TANGO6: variants seen among roughly 807,000 people sequenced by gnomAD.
TANGO6 encodes transport and Golgi organization protein 6 homolog.
In TANGO6, 90 loss-of-function variants were observed where a neutral mutation model predicts 114.2. That is an observed-to-expected ratio of 0.79 (90% CI 0.66 to 0.94). TANGO6 has a LOEUF of 0.94. Ranked by LOEUF, TANGO6 falls within the 40% of genes least tolerant of loss-of-function variation. The probability of loss-of-function intolerance (pLI) is 0.00; values close to 1 mark genes in which losing one functional copy is unlikely to be tolerated. For synonymous variants in TANGO6, 477 were observed against 509.8 expected (o/e 0.94, Z 0.87); for missense variants, 1,274 against 1,315.3 (o/e 0.97, Z 0.49).
intron 14 of TANGO6, among the ~76,000 whole-genome samples, chr16:68,961,060 T>C (rs1174388264): frequency 6.6e-6 from 1 of 152,200 alleles, no homozygotes; most frequent in Non-Finnish European, 1.5e-5. Context: ...TAAACAAAGA[T>C]ATCAACTAGG....
intron 14 of TANGO6, among the ~76,000 whole-genome samples, chr16:68,951,950 A>G (rs1378168524): frequency 1.3e-5 from 2 of 152,144 alleles, no homozygotes; most frequent in Non-Finnish European, 2.9e-5. Context: ...AAACCATGGA[A>G]CCATGGATCA....
chr16:68,862,353 C>A (rs1208900554), intron 2 of TANGO6, among the ~76,000 whole-genome samples: 2 of 152,152 alleles, frequency 1.3e-5, no homozygotes, highest in African/African-American at 2.4e-5. Context: ...CACACCACCA[C>A]GCCTGACTAA....
At chr16:69,011,563 TC>T (rs977606866) in intron 15 of TANGO6, among the ~76,000 whole-genome samples, 1 of 151,924 alleles carries the variant, frequency 6.6e-6, no homozygotes, top group African/African-American at 2.4e-5. Context: ...CAAGTCCTCC[TC>T]CCACCTCAGC....
At chr16:68,945,659 T>C (rs1300459555) in intron 14 of TANGO6, among the ~76,000 whole-genome samples, 1 of 152,270 alleles carries the variant, frequency 6.6e-6, no homozygotes, top group East Asian at 1.9e-4. Context: ...TTGTAAATCT[T>C]CATTAGAGAA....
intron 1 of TANGO6, among the ~76,000 whole-genome samples, chr16:68,858,293 A>G (rs1313342603): frequency 6.6e-6 from 1 of 152,076 alleles, no homozygotes; most frequent in Non-Finnish European, 1.5e-5. Context: ...CCAACTCCTG[A>G]CCTCAAGTGT....
intron 17 of TANGO6, among the ~76,000 whole-genome samples, chr16:69,065,982 G>A (rs1056734913): frequency 2.0e-5 from 3 of 152,050 alleles, no homozygotes; most frequent in African/African-American, 7.2e-5. Flanking sequence ...GAGGCCACTC[G>A]CCTCAAAGAC....
At chr16:68,846,464 T>G (rs1048490944) in intron 1 of TANGO6, 34 of 307,022 alleles carry the variant, frequency 1.1e-4, no homozygotes, top group Non-Finnish European at 2.1e-4. Context: ...TCAATCACCT[T>G]TTCAAATAAT....
chr16:69,009,117 G>C (rs1423243732), intron 15 of TANGO6, among the ~76,000 whole-genome samples: 5 of 103,396 alleles, frequency 4.8e-5, no homozygotes, highest in Non-Finnish European at 8.8e-5. Context: ...GTCTTGCTCT[G>C]TATGCCCAGG....
intron 15 of TANGO6, among the ~76,000 whole-genome samples, chr16:69,022,507 C>G (rs1959425041): frequency 6.6e-6 from 1 of 152,068 alleles, no homozygotes; most frequent in South Asian, 2.1e-4. Flanking sequence ...AGTTCAAGAC[C>G]AGCCTGAGCA....
intron 14 of TANGO6, among the ~76,000 whole-genome samples, chr16:68,938,924 C>T (rs1338867821): frequency 1.3e-5 from 2 of 151,344 alleles, no homozygotes; most frequent in African/African-American, 2.4e-5. Context: ...AGAACAAAGC[C>T]GGCCAGTCAT....
intron 15 of TANGO6, among the ~76,000 whole-genome samples, chr16:68,977,432 G>A (rs1056671440): frequency 2.0e-5 from 3 of 150,634 alleles, no homozygotes; most frequent in Admixed American, 6.6e-5. Flanking sequence ...GGTGGCTCAC[G>A]CCTGTAATCC....
chr16:68,954,853 T>C (rs1400955290), intron 14 of TANGO6, among the ~76,000 whole-genome samples: 2 of 152,216 alleles, frequency 1.3e-5, no homozygotes, highest in African/African-American at 4.8e-5. Flanking sequence ...TCAAATGAGA[T>C]CTAACATGAA....
chr16:68,900,072 G>T (rs1301237893), intron 7 of TANGO6, among the ~76,000 whole-genome samples: 3 of 152,118 alleles, frequency 2.0e-5, no homozygotes, highest in Admixed American at 6.5e-5. Context: ...GTTCCTAATA[G>T]CAGGGCCTTC....
chr16:68,961,161 T>C (rs1305395528), intron 14 of TANGO6, among the ~76,000 whole-genome samples: 7 of 152,218 alleles, frequency 4.6e-5, no homozygotes, highest in Admixed American at 1.3e-4. Context: ...TATGCTGACC[T>C]TGGAGTCCAT....
chr16:68,898,865 T>C (rs1371666450), intron 7 of TANGO6, among the ~76,000 whole-genome samples: 3 of 152,088 alleles, frequency 2.0e-5, no homozygotes, highest in East Asian at 3.8e-4. Context: ...TATAACAGAA[T>C]TACATTTTGA....
At chr16:68,958,005 C>G (rs569130397) in intron 14 of TANGO6, among the ~76,000 whole-genome samples, 1 of 151,818 alleles carries the variant, frequency 6.6e-6, no homozygotes, top group South Asian at 2.1e-4. Context: ...AACCCCGTTT[C>G]CACTAAAAAT....
At chr16:68,909,666 A>G (rs971424175) in intron 11 of TANGO6, 3 of 254,820 alleles carry the variant, frequency 1.2e-5, no homozygotes, top group African/African-American at 4.4e-5. Context: ...ATATTATGTT[A>G]TAGTAGTTTT....
At chr16:69,000,251 A>G (rs1964028476) in intron 15 of TANGO6, among the ~76,000 whole-genome samples, 1 of 152,234 alleles carries the variant, frequency 6.6e-6, no homozygotes, top group South Asian at 2.1e-4. Flanking sequence ...TGCTTCCTGT[A>G]TGCTTTTAAT....
In TANGO6 at chr16:69,083,659, T is replaced by G. The variant is rs1409367598; in HGVS notation, c.3283T>G (p.Ter1095GluextTer66). ...KLEKKIMVLP[*>E] ...GGAGAAGAAGATCATGGTCCTGCCG[T>G]AGACCTGGCTCCAAGGACGTGGAGG... Residue 1095 changes from the stop codon to glutamate (E), a stop_lost, in exon 18 of 18, where the codon TAG (stop) becomes GAG (glutamate). Transcript: ENST00000261778. 13 of 1,556,092 alleles carry G rather than the reference T, an allele frequency of 8.4e-6. No individual in the cohort carries two copies. Among genetic ancestry groups the G allele is most frequent in the Admixed American group, 3.9e-5 (2 of 51,290 alleles).
Sources: gnomAD v4.1 joint callset for allele counts (sites outside exome capture counted in the v4.1 genomes callset) on GRCh38, gnomAD v4.1.1 for gene constraint, MANE v1.5 for transcripts, NCBI Gene and HGNC (gene_info 2026-07-23, HGNC 2026-07-21) for gene names.